PTPN4: variants seen among roughly 807,000 people sequenced by gnomAD.
PTPN4 encodes the protein tyrosine-protein phosphatase non-receptor type 4.
Under a neutral mutation model 135.5 loss-of-function variants are expected in PTPN4, and 49 were observed. The ratio of observed to expected loss-of-function variants is 0.36; its 90% CI spans 0.29 to 0.46. PTPN4 has a LOEUF of 0.46. PTPN4 is among the 20% of genes least tolerant of loss of function. The probability of loss-of-function intolerance (pLI) is 1.00; values close to 1 mark genes in which losing one functional copy is unlikely to be tolerated. For missense variants in PTPN4, 860 were observed against 1,101.0 expected (o/e 0.78, Z 3.10); for synonymous variants, 333 against 369.9 (o/e 0.90, Z 1.14).
intron 9 of PTPN4, among the ~76,000 whole-genome samples, chr2:119,897,833 A>G (rs1678346720): frequency 6.6e-6 from 1 of 152,192 alleles, no homozygotes; most frequent in Admixed American, 6.5e-5. Context: ...GCTAAGTGTA[A>G]GCATAAAATT....
intron 10 of PTPN4, among the ~76,000 whole-genome samples, chr2:119,903,556 GACACACACAC>G (rs35324437): frequency 2.0e-5 from 3 of 147,750 alleles, no homozygotes; most frequent in Admixed American, 1.3e-4. Flanking sequence ...TGCAGCTGCT[GACACACACAC>G]ACACACACAC....
At chr2:119,973,104 CA>C (rs1314459062) in intron 26 of PTPN4, among the ~76,000 whole-genome samples, 2 of 151,588 alleles carry the variant, frequency 1.3e-5, no homozygotes, top group Non-Finnish European at 2.9e-5. Context: ...CATTTTTTTG[CA>C]ACCAATTTGC....
At chr2:119,956,522 A>G (rs1056225570) in intron 20 of PTPN4, among the ~76,000 whole-genome samples, 1 of 152,232 alleles carries the variant, frequency 6.6e-6, no homozygotes, top group African/African-American at 2.4e-5. Context: ...CATAGACTGT[A>G]AACACCTCCA....
chr2:119,951,709 T>C (rs950090318), intron 18 of PTPN4, among the ~76,000 whole-genome samples: 2 of 152,212 alleles, frequency 1.3e-5, no homozygotes, highest in Admixed American at 6.5e-5. Context: ...TACTTGTGTG[T>C]ATGTACTTGG....
intron 1 of PTPN4, among the ~76,000 whole-genome samples, chr2:119,776,129 A>C (rs1175181551): frequency 6.6e-6 from 1 of 152,176 alleles, no homozygotes; most frequent in Non-Finnish European, 1.5e-5. Context: ...CACTGAAACT[A>C]AAGCAAATGG....
intron 2 of PTPN4, among the ~76,000 whole-genome samples, chr2:119,819,692 C>T (rs951747264): frequency 2.0e-5 from 3 of 152,150 alleles, no homozygotes; most frequent in African/African-American, 2.4e-5. Flanking sequence ...TGGGCATAGC[C>T]GTTGTCAGAG....
intron 26 of PTPN4, among the ~76,000 whole-genome samples, chr2:119,970,692 G>A (rs1172596922): frequency 1.3e-5 from 2 of 151,870 alleles, no homozygotes; most frequent in African/African-American, 4.8e-5. Context: ...ACCACATTTT[G>A]TTCATCCGTT....
chr2:119,917,661 G>A (rs1394372847), intron 11 of PTPN4, among the ~76,000 whole-genome samples: 1 of 152,068 alleles, frequency 6.6e-6, no homozygotes, highest in South Asian at 2.1e-4. Context: ...ACCAGGAGGT[G>A]GAGGTTGCAG....
At chr2:119,947,762 C>CCACACACACACACA (rs3084728) in intron 18 of PTPN4, among the ~76,000 whole-genome samples, 6 of 147,240 alleles carry the variant, frequency 4.1e-5, no homozygotes, top group African/African-American at 1.5e-4. Flanking sequence ...AACACCACTA[C>CCACACACACACACA]CACACACACA....
At chr2:119,972,682 A>T (rs574176408) in intron 26 of PTPN4, among the ~76,000 whole-genome samples, 53 of 152,250 alleles carry the variant, frequency 3.5e-4, no homozygotes, top group African/African-American at 1.3e-3. Context: ...TTATCATATT[A>T]GCCATGGATT....
At chr2:119,854,133 G>C (rs1049111376) in intron 2 of PTPN4, among the ~76,000 whole-genome samples, 1 of 152,104 alleles carries the variant, frequency 6.6e-6, no homozygotes, top group African/African-American at 2.4e-5. Flanking sequence ...GAAAAACCTG[G>C]CTCTCCCACC....
intron 2 of PTPN4, among the ~76,000 whole-genome samples, chr2:119,819,952 C>T (rs1013493704): frequency 6.6e-6 from 1 of 152,112 alleles, no homozygotes; most frequent in African/African-American, 2.4e-5. Flanking sequence ...GCTTGAACTC[C>T]TGGGCTCAAG....
intron 2 of PTPN4, among the ~76,000 whole-genome samples, chr2:119,834,744 C>G (rs1677266205): frequency 6.6e-6 from 1 of 152,050 alleles, no homozygotes; most frequent in Non-Finnish European, 1.5e-5. Context: ...CCTGAATGAT[C>G]TTTACAAGTC....
chr2:119,834,854 C>G (rs868858361), intron 2 of PTPN4, among the ~76,000 whole-genome samples: 33 of 152,178 alleles, frequency 2.2e-4, no homozygotes, highest in African/African-American at 7.7e-4. Context: ...TCCATATACA[C>G]TGAACAACAG....
chr2:119,808,904 T>C (rs1276337553), intron 1 of PTPN4, among the ~76,000 whole-genome samples: 1 of 152,234 alleles, frequency 6.6e-6, no homozygotes, highest in Non-Finnish European at 1.5e-5. Context: ...TGAAATACTA[T>C]TTTCATTATA....
chr2:119,835,233 G>A (rs1054945440), intron 2 of PTPN4, among the ~76,000 whole-genome samples: 1 of 152,052 alleles, frequency 6.6e-6, no homozygotes, highest in Admixed American at 6.5e-5. Context: ...CGCTCAGGCT[G>A]GAGTGCAGTG....
chr2:119,972,650 A>G (rs1208784656), intron 26 of PTPN4, among the ~76,000 whole-genome samples: 4 of 152,018 alleles, frequency 2.6e-5, no homozygotes, highest in African/African-American at 4.8e-5. Context: ...TCTTAGAGGG[A>G]CAGTTTTTAG....
At chr2:119,810,964 G>A (rs1038276387) in intron 2 of PTPN4, among the ~76,000 whole-genome samples, 1 of 152,012 alleles carries the variant, frequency 6.6e-6, no homozygotes, top group African/African-American at 2.4e-5. Flanking sequence ...TTATTCTTCA[G>A]GATGTTTTGG....
intron 1 of PTPN4, among the ~76,000 whole-genome samples, chr2:119,772,063 T>G (rs1690745884): frequency 6.6e-6 from 1 of 152,246 alleles, no homozygotes; most frequent in Admixed American, 6.5e-5. Context: ...TGTTTCTTTT[T>G]TAGATACTTG....
Sources: gnomAD v4.1 joint callset for allele counts (sites outside exome capture counted in the v4.1 genomes callset) on GRCh38, gnomAD v4.1.1 for gene constraint, MANE v1.5 for transcripts, NCBI Gene and HGNC (gene_info 2026-07-23, HGNC 2026-07-21) for gene names.